OSBPL1A: variants seen among roughly 807,000 people sequenced by gnomAD.
OSBPL1A encodes oxysterol-binding protein-related protein 1.
Under a neutral mutation model 137.1 loss-of-function variants are expected in OSBPL1A, and 80 were observed. That is an observed-to-expected ratio of 0.58 (90% CI 0.49 to 0.70). OSBPL1A has a LOEUF of 0.70. OSBPL1A is among the 30% of genes least tolerant of loss of function. The pLI, the probability that OSBPL1A is intolerant of heterozygous loss-of-function variation, is 0.00. For synonymous variants in OSBPL1A, 365 were observed against 389.7 expected (o/e 0.94, Z 0.75); for missense variants, 970 against 1,129.4 (o/e 0.86, Z 2.02).
chr18:24,191,296 G>A (rs1043953320), intron 18 of OSBPL1A, among the ~76,000 whole-genome samples: 10 of 152,280 alleles, frequency 6.6e-5, no homozygotes, highest in African/African-American at 2.4e-4. Flanking sequence ...AATATAATCT[G>A]ACTTTTGGCA....
chr18:24,208,901 ATTC>A (rs1213145650), intron 17 of OSBPL1A, among the ~76,000 whole-genome samples: 1 of 152,170 alleles, frequency 6.6e-6, no homozygotes, highest in Non-Finnish European at 1.5e-5. Context: ...AATACCTTTC[ATTC>A]TTCTGTCATT....
rs1567922712 is a variant in OSBPL1A at position 24,178,204 on chromosome 18, TTA to T, written c.1911-11_1911-10del. 4 of 1,470,270 alleles carry T rather than the reference TTA, an allele frequency of 2.7e-6. No individual in the cohort carries two copies. In the African/African-American group the frequency reaches 4.6e-5, roughly 17 times the overall value. The allele number at this position is 1,470,270 out of a possible 1,614,324, so 91.1% of individuals were successfully genotyped here. On this transcript the variant is annotated splice_polypyrimidine_tract_variant and intron_variant, in intron 20 of 27. Coordinates refer to ENST00000319481, the MANE Select transcript of OSBPL1A (RefSeq NM_080597.4). ...TAAATCCAAGGTCATCTCTTAAGAT[TTA>T]AAAAAAAAAAAAAAGAAAAAAAAAA...
chr18:24,336,470 T>C (rs2091176019), intron 5 of OSBPL1A, among the ~76,000 whole-genome samples: 1 of 152,186 alleles, frequency 6.6e-6, no homozygotes, highest in Non-Finnish European at 1.5e-5. Context: ...GTCAGGCTTC[T>C]AGAATGCTCG....
At chr18:24,346,066 T>C (rs2091340739) in intron 4 of OSBPL1A, among the ~76,000 whole-genome samples, 2 of 152,162 alleles carry the variant, frequency 1.3e-5, no homozygotes, top group Admixed American at 6.5e-5. Context: ...TTGAGCATGA[T>C]ACTTTTATTT....
intron 5 of OSBPL1A, among the ~76,000 whole-genome samples, chr18:24,340,146 T>C (rs2091249943): frequency 6.6e-6 from 1 of 152,182 alleles, no homozygotes; most frequent in Non-Finnish European, 1.5e-5. Context: ...TTAGAAATAC[T>C]ACTAAAAAAT....
At chr18:24,293,726 G>T (rs1348669377) in intron 14 of OSBPL1A, among the ~76,000 whole-genome samples, 1 of 152,176 alleles carries the variant, frequency 6.6e-6, no homozygotes, top group Admixed American at 6.5e-5. Flanking sequence ...GGAGGTGGGG[G>T]GCTGAGGGGT....
At chr18:24,198,512 A>C (rs1025392563) in intron 17 of OSBPL1A, among the ~76,000 whole-genome samples, 3 of 152,172 alleles carry the variant, frequency 2.0e-5, no homozygotes, top group South Asian at 2.1e-4. Flanking sequence ...GCAGAGGGGA[A>C]GGGGTTTTGA....
At position 24,266,132 on chromosome 18, in the gene OSBPL1A, A is replaced by C. The variant is rs186192237; in HGVS notation, c.1281+14710T>G. ...CCTTGGAGTAAGTTGCCCAGAGTCA[A>C]AGAGCAAGAAAAGGGTCCCTGTTAC... On this transcript the variant is annotated intron_variant, in intron 15 of 27. Coordinates refer to ENST00000319481, the MANE Select transcript of OSBPL1A (RefSeq NM_080597.4). Among the ~76,000 whole-genome samples the C allele has an allele frequency of 2.8e-4, 42 of 152,320 alleles. 1 individual carries two copies. In the South Asian group the frequency reaches 7.2e-3, roughly 26 times the overall value.
chr18:24,180,481 G>GTGTA (rs1555626037), intron 19 of OSBPL1A, among the ~76,000 whole-genome samples: 19 of 150,002 alleles, frequency 1.3e-4, no homozygotes, highest in East Asian at 5.9e-4. Context: ...GTGTGTGTGT[G>GTGTA]TGTATGTGTT....
chr18:24,349,274 T>G (rs901796147), intron 4 of OSBPL1A, among the ~76,000 whole-genome samples: 1 of 151,946 alleles, frequency 6.6e-6, no homozygotes, highest in Non-Finnish European at 1.5e-5. Flanking sequence ...ATCTGACATA[T>G]GACTAGCACA....
chr18:24,381,228 A>G (rs984412176), intron 1 of OSBPL1A, among the ~76,000 whole-genome samples: 2 of 152,118 alleles, frequency 1.3e-5, no homozygotes, highest in East Asian at 3.9e-4. Context: ...CAGTGGGTGG[A>G]AAAGTACTCA....
chr18:24,267,682 C>T (rs1027951728), intron 15 of OSBPL1A, among the ~76,000 whole-genome samples: 1 of 152,044 alleles, frequency 6.6e-6, no homozygotes, highest in African/African-American at 2.4e-5. Flanking sequence ...AAAAACCATA[C>T]AACCCTTTTA....
At chr18:24,355,144 A>G (rs915297074) in intron 4 of OSBPL1A, among the ~76,000 whole-genome samples, 1 of 151,950 alleles carries the variant, frequency 6.6e-6, no homozygotes, top group Non-Finnish European at 1.5e-5. Flanking sequence ...TTGGTAAATG[A>G]TAGGACCTCT....
chr18:24,308,117 C>CTT (rs55806542), intron 13 of OSBPL1A, among the ~76,000 whole-genome samples: 15 of 130,514 alleles, frequency 1.1e-4, no homozygotes, highest in Non-Finnish European at 1.6e-4. Flanking sequence ...CTGCTCATTA[C>CTT]TTTTTTTTTT....
At chr18:24,336,908 TAGTGGTAA>T (rs1189381635) in intron 5 of OSBPL1A, among the ~76,000 whole-genome samples, 2 of 152,218 alleles carry the variant, frequency 1.3e-5, no homozygotes, top group Non-Finnish European at 2.9e-5. Flanking sequence ...AGTAGAAGTT[TAGTGGTAA>T]ATGGGGTATT....
At chr18:24,332,920 T>A in intron 7 of OSBPL1A, 22 bp downstream of exon 7, 1 of 1,606,392 alleles carries the variant, frequency 6.2e-7, no homozygotes, top group Non-Finnish European at 8.5e-7. Context: ...TGGCCAACGA[T>A]GGTTTTCACC....
intron 15 of OSBPL1A, among the ~76,000 whole-genome samples, chr18:24,250,184 TTG>T (rs1247221797): frequency 1.4e-3 from 36 of 25,146 alleles, no homozygotes; most frequent in African/African-American, 2.3e-3. Flanking sequence ...GTTTGTTTGT[TTG>T]TTTTTTTTGA....
At chr18:24,367,930 C>CTTTT (rs72420348) in intron 3 of OSBPL1A, 25,048 of 159,782 alleles carry the variant, frequency 0.16, 3,192 homozygotes, top group African/African-American at 0.36. Flanking sequence ...ATTGTTTTTT[C>CTTTT]TTTTTAATTT....
intron 17 of OSBPL1A, among the ~76,000 whole-genome samples, chr18:24,221,251 T>C (rs1425219571): frequency 6.6e-6 from 1 of 152,234 alleles, no homozygotes; most frequent in Non-Finnish European, 1.5e-5. Context: ...AATTCGTGGG[T>C]GCATTCCTTG....
Sources: gnomAD v4.1 joint callset for allele counts (sites outside exome capture counted in the v4.1 genomes callset) on GRCh38, gnomAD v4.1.1 for gene constraint, MANE v1.5 for transcripts, NCBI Gene and HGNC (gene_info 2026-07-23, HGNC 2026-07-21) for gene names.